CERS5: variants seen among roughly 807,000 people sequenced by gnomAD.
CERS5 encodes the protein LAG1 homolog, ceramide synthase 5.
CERS5 carries 37 observed loss-of-function variants against 58.9 expected under a neutral mutation model. The observed-to-expected ratio is 0.63, with a 90% CI of 0.48 to 0.83. The LOEUF (loss-of-function observed/expected upper bound fraction) is 0.83. Among genes scored for constraint, CERS5 ranks in the 40% least tolerant of loss-of-function variants. The pLI is 0.00. For synonymous variants in CERS5, 147 were observed against 177.8 expected (o/e 0.83, Z 1.38); for missense variants, 398 against 489.3 (o/e 0.81, Z 1.76).
chr12:50,137,250 C>CTT (rs1400727490), intron 6 of CERS5, among the ~76,000 whole-genome samples: 2 of 152,202 alleles, frequency 1.3e-5, no homozygotes, highest in Non-Finnish European at 2.9e-5. Context: ...TTCTCTCAAT[C>CTT]TTTGCTTCCT....
intron 1 of CERS5, among the ~76,000 whole-genome samples, chr12:50,151,891 C>T (rs1938003484): frequency 6.6e-6 from 1 of 152,210 alleles, no homozygotes; most frequent in Non-Finnish European, 1.5e-5. Flanking sequence ...GTGGATTCAC[C>T]CACCTCGGCC....
chr12:50,164,036 T>G (rs1210696705), intron 1 of CERS5, among the ~76,000 whole-genome samples: 1 of 150,920 alleles, frequency 6.6e-6, no homozygotes, highest in Non-Finnish European at 1.5e-5. Context: ...CTTGGCTCAC[T>G]GCAACCTCTG....
At chr12:50,160,008 T>G (rs1375102559) in intron 1 of CERS5, among the ~76,000 whole-genome samples, 4 of 152,040 alleles carry the variant, frequency 2.6e-5, no homozygotes, top group Non-Finnish European at 5.9e-5. Context: ...CAATATGTAA[T>G]CAATTAAAAA....
intron 6 of CERS5, 26 bp downstream of exon 6, chr12:50,137,702 G>A (rs1592349552): frequency 7.8e-7 from 1 of 1,276,690 alleles, no homozygotes; most frequent in East Asian, 2.3e-5. Flanking sequence ...AATAAGTTGG[G>A]GAATTGAGGG....
rs760096852 is a variant in CERS5 at position 50,129,669 on chromosome 12, C to T, written c.*876G>A. 1.3e-5 allele frequency: 2 copies of T among 151,988 alleles called. No individual in the cohort carries two copies. The highest frequency in any genetic ancestry group is 2.9e-5 in the Non-Finnish European group (2 of 68,022). 9.4% of individuals were successfully genotyped at this position (151,988 alleles called of 1,614,324 possible). On this transcript the variant is annotated 3_prime_UTR_variant, in exon 10 of 10. Coordinates refer to ENST00000317551, the MANE Select transcript of CERS5 (RefSeq NM_147190.5). ...AATGTAAGCACCCTGGCTGACTCTT[C>T]CTACCATGCACAGAAAGGAAAAATT...
rs1388908953 is a variant in CERS5, at chr12:50,129,409, C to A, written c.*1136G>T. ...AAATTTCAGAAGGCAAAATACATTTCTCATCTGACTTTCAAAAGCATATTC... is the reference window on the plus strand; with the variant it reads ...AAATTTCAGAAGGCAAAATACATTTATCATCTGACTTTCAAAAGCATATTC... On this transcript the variant is annotated 3_prime_UTR_variant, in exon 10 of 10. Transcript: ENST00000317551. 6.6e-6 allele frequency: 1 copy of A among 151,854 alleles called. No individual in the cohort carries two copies. Among genetic ancestry groups the A allele is most frequent in the Non-Finnish European group, 1.5e-5 (1 of 67,988 alleles). The allele number at this position is 151,854 out of a possible 1,614,324, so 9.4% of individuals were successfully genotyped here. A position where few individuals can be genotyped will look rare whatever the true frequency, so the allele number is the denominator to read the frequency against.
intron 1 of CERS5, among the ~76,000 whole-genome samples, chr12:50,155,085 T>C (rs1274985985): frequency 2.0e-5 from 3 of 152,102 alleles, no homozygotes; most frequent in African/African-American, 7.2e-5. Context: ...CTTGAACTCC[T>C]GACCTCAGGT....
chr12:50,150,352 C>A (rs539984655), intron 1 of CERS5, among the ~76,000 whole-genome samples: 1 of 152,090 alleles, frequency 6.6e-6, no homozygotes, highest in East Asian at 1.9e-4. Flanking sequence ...CAGAGTGAGA[C>A]GCCATCTCCA....
Position 50,142,130 on chromosome 12 carries a change from A to G in CERS5, c.435-20T>C, listed in dbSNP as rs985860421. 1.4e-5 allele frequency: 21 copies of G among 1,552,716 alleles called. No individual in the cohort carries two copies. The highest frequency in any genetic ancestry group is 1.8e-5 in the Non-Finnish European group (20 of 1,130,170). On this transcript the variant is annotated intron_variant, in intron 3 of 9. Coordinates refer to ENST00000317551, the MANE Select transcript of CERS5 (RefSeq NM_147190.5). ...CTCCACCTGGGTGGGCAAAGAGTAAAGGTTAGACAAATGTCCACTCAAACC... is the reference window on the plus strand; with the variant it reads ...CTCCACCTGGGTGGGCAAAGAGTAAGGGTTAGACAAATGTCCACTCAAACC...
In CERS5 at chr12:50,130,666, T is replaced by C; in HGVS notation, c.1058A>G (p.Glu353Gly). 6.2e-7 allele frequency: 1 copy of C among 1,605,478 alleles called. No individual in the cohort carries two copies. Among genetic ancestry groups the C allele is most frequent in the Non-Finnish European group, 8.5e-7 (1 of 1,173,150 alleles). The change falls in exon 10 of 10, where the codon GAG becomes GGG. Residue 353 changes from glutamate to glycine, a missense_variant. Coordinates refer to ENST00000317551, the MANE Select transcript of CERS5 (RefSeq NM_147190.5). ...KVSKDDRSDVESSSEEEDVTT... is the reference protein window; with the variant it reads ...KVSKDDRSDVGSSSEEEDVTT... ...CACATCTTCTTCCTCTGAGCTGCTC[T>C]CCACATCACTGCGATCATCCTTCGA...
chr12:50,164,765 T>C (rs775561268), intron 1 of CERS5, among the ~76,000 whole-genome samples: 23 of 152,306 alleles, frequency 1.5e-4, no homozygotes, highest in Non-Finnish European at 2.5e-4. Context: ...AGGGGATATA[T>C]GTCTTCAGCC....
At chr12:50,159,451 C>A (rs1180276181) in intron 1 of CERS5, among the ~76,000 whole-genome samples, 1 of 152,074 alleles carries the variant, frequency 6.6e-6, no homozygotes, top group Non-Finnish European at 1.5e-5. Flanking sequence ...ACATCTAATA[C>A]CTTTGCATCA....
Position 50,161,784 on chromosome 12 carries a change from G to GAAAAAAAAAAAAAAAA in CERS5, c.197+5301_197+5316dup, listed in dbSNP as rs374177550. 3.1e-3 allele frequency among the ~76,000 whole-genome samples: 282 copies of GAAAAAAAAAAAAAAAA among 90,882 alleles called. 33 individuals carry two copies. The highest frequency in any genetic ancestry group is 8.4e-3 in the East Asian group (16 of 1,912). 59.6% of individuals were successfully genotyped at this position (90,882 alleles called of 152,430 possible). ...AGAGTGAGACTCCGTCTCAAAAAAA[G>GAAAAAAAAAAAAAAAA]AAAAAAAAAAAAAAAAGCAAAGTTC... On this transcript the variant is annotated intron_variant, in intron 1 of 9. Coordinates refer to ENST00000317551, the MANE Select transcript of CERS5 (RefSeq NM_147190.5).
intron 4 of CERS5, 114 bp downstream of exon 4, chr12:50,141,939 C>CAAAAAAAAAAAAAAA (rs35739493): frequency 2.2e-5 from 9 of 409,122 alleles, no homozygotes; most frequent in Non-Finnish European, 3.3e-5. Context: ...GACTCCGTCT[C>CAAAAAAAAAAAAAAA]AAAAAAAAAA....
chr12:50,161,784 G>GAAAAAAAAAA (rs374177550), intron 1 of CERS5, among the ~76,000 whole-genome samples: 12 of 90,854 alleles, frequency 1.3e-4, no homozygotes, highest in African/African-American at 2.3e-4. Context: ...CTCAAAAAAA[G>GAAAAAAAAAA]AAAAAAAAAA....
chr12:50,153,480 A>G (rs1938212541), intron 1 of CERS5, among the ~76,000 whole-genome samples: 2 of 150,704 alleles, frequency 1.3e-5, no homozygotes, highest in Non-Finnish European at 3.0e-5. Flanking sequence ...GGGTTTCACC[A>G]TGTTGGCCAG....
At position 50,129,500 on chromosome 12, in the gene CERS5, A is replaced by AATT. The variant is rs1225644374; in HGVS notation, c.*1042_*1044dup. 1.6e-5 allele frequency: 2 copies of AATT among 122,488 alleles called. No individual in the cohort carries two copies. Among genetic ancestry groups the AATT allele is most frequent in the Non-Finnish European group, 3.2e-5 (2 of 62,076 alleles). 7.6% of individuals were successfully genotyped at this position (122,488 alleles called of 1,614,324 possible). A position where few individuals can be genotyped will look rare whatever the true frequency, so the allele number is the denominator to read the frequency against. ...AGTTGAGGAACTAAAAGTATGACCT[A>AATT]ATTTTTTTTTTTTTTTTTTTTTTTA... is the stretch of plus-strand genomic sequence containing the variant. On this transcript the variant is annotated 3_prime_UTR_variant, in exon 10 of 10. Transcript: ENST00000317551.
At chr12:50,166,451 T>C (rs1463713403) in intron 1 of CERS5, 1 of 154,880 alleles carries the variant, frequency 6.5e-6, no homozygotes, top group Non-Finnish European at 1.4e-5. Context: ...CCCCAAGGCC[T>C]GTTCTGCAAC....
chr12:50,164,122 G>A (rs986247102), intron 1 of CERS5, among the ~76,000 whole-genome samples: 1 of 150,816 alleles, frequency 6.6e-6, no homozygotes, highest in African/African-American at 2.4e-5. Context: ...ACTATGCCCA[G>A]CTAATTTTTA....
Sources: gnomAD v4.1 joint callset for allele counts (sites outside exome capture counted in the v4.1 genomes callset) on GRCh38, gnomAD v4.1.1 for gene constraint, MANE v1.5 for transcripts, NCBI Gene and HGNC (gene_info 2026-07-23, HGNC 2026-07-21) for gene names.